HSPG2: variants seen among roughly 807,000 people sequenced by gnomAD.
HSPG2 encodes basement membrane-specific heparan sulfate proteoglycan core protein.
In HSPG2, 278 loss-of-function variants were observed where a neutral mutation model predicts 526.6. The observed-to-expected ratio is 0.53, with a 90% CI of 0.48 to 0.58. The LOEUF (loss-of-function observed/expected upper bound fraction) is 0.58, where lower values mean the gene tolerates loss of function less well. HSPG2 is among the 20% of genes least tolerant of loss of function. The pLI, the probability that HSPG2 is intolerant of heterozygous loss-of-function variation, is 0.00. For missense variants in HSPG2, 5,354 were observed against 6,099.5 expected (o/e 0.88, Z 4.07); for synonymous variants, 2,465 against 2,555.4 (o/e 0.96, Z 1.07).
rs757980659 is a variant in HSPG2, at chr1:21,862,096, G to A, written c.4760C>T (p.Ala1587Val). ...GACSQCQHNA[A>V]GEFCELCAPG... ...GGCACAAAGCTCGCAGAACTCCCCTGCGGCGTTGTGCTGGCATTGCTGCAG... is the reference window on the plus strand; with the variant it reads ...GGCACAAAGCTCGCAGAACTCCCCTACGGCGTTGTGCTGGCATTGCTGCAG... The change falls in exon 38 of 97, where the codon GCA (alanine) becomes GTA (valine). Residue 1587 changes from alanine to valine, a missense_variant. Transcript: ENST00000374695. The A allele has an allele frequency of 6.2e-7, 1 of 1,613,288 alleles. No individual in the cohort carries two copies. The highest frequency in any genetic ancestry group is 8.5e-7 in the Non-Finnish European group (1 of 1,180,040).
rs531640750 is a variant in HSPG2, at chr1:21,855,503, C to A, written c.5854+20G>T. ...GGGCTGAGCACACTCCCGGCCCCCA[C>A]CCTGAGCCCGGCCTCTCACCATGCA... On this transcript the variant is annotated intron_variant, in intron 46 of 96. Transcript: ENST00000374695. 1.2e-6 allele frequency: 2 copies of A among 1,611,318 alleles called. No homozygotes were observed. Among genetic ancestry groups the A allele is most frequent in the East Asian group, 2.2e-5 (1 of 44,858 alleles).
Position 21,824,452 on chromosome 1 carries a change from T to A in HSPG2, c.12745-76A>T, listed in dbSNP as rs1002334603. ...CTGCCGAGGCCAGGGGGCTCTGCTT[T>A]CCCCTCCCCCCACCACTCCGGCCAC... On this transcript the variant is annotated intron_variant, in intron 93 of 96. Coordinates refer to ENST00000374695, the MANE Select transcript of HSPG2 (RefSeq NM_005529.7). The surrounding 1 kb of genome is among the most constrained non-coding windows in gnomAD (Gnocchi z 5.9). The A allele has an allele frequency of 3.2e-5, 52 of 1,600,596 alleles. No individual in the cohort carries two copies. In the African/African-American group the frequency reaches 6.6e-4, roughly 20 times the overall value.
intron 91 of HSPG2, among the ~76,000 whole-genome samples, chr1:21,826,644 G>A (rs967525545): frequency 2.0e-5 from 3 of 151,972 alleles, no homozygotes; most frequent in African/African-American, 4.8e-5. Flanking sequence ...GGAGTAGCTG[G>A]GATTATAGGC....
At chr1:21,833,773 C>T (rs2098014845) in intron 78 of HSPG2, 43 bp downstream of exon 78, 2 of 1,528,284 alleles carry the variant, frequency 1.3e-6, no homozygotes, top group Middle Eastern at 1.7e-4. Context: ...GATCTGTTCC[C>T]AGCCCCCAAG....
At chr1:21,831,373 A>T (rs1298159822) in intron 83 of HSPG2, 49 bp from the exon 84 acceptor site, 2 of 1,599,826 alleles carry the variant, frequency 1.3e-6, no homozygotes, top group Admixed American at 3.3e-5. Flanking sequence ...GTCCCAGCCC[A>T]TACCCTGAGG....
intron 1 of HSPG2, among the ~76,000 whole-genome samples, chr1:21,919,206 A>G (rs1316234984): frequency 6.6e-6 from 1 of 152,214 alleles, no homozygotes; most frequent in African/African-American, 2.4e-5. Context: ...CTGGCGGATC[A>G]CTTGAGGTCG....
rs1053535638 is a variant in HSPG2 at position 21,833,600 on chromosome 1, C to G, written c.10845G>C (p.Leu3615=). The G allele has an allele frequency of 6.2e-7, 1 of 1,614,076 alleles. No homozygotes were observed. Among genetic ancestry groups the G allele is most frequent in the East Asian group, 2.2e-5 (1 of 44,874 alleles). Residue 3615 remains leucine, a synonymous_variant, in exon 79 of 97, where the codon CTG becomes CTC. Coordinates refer to ENST00000374695, the MANE Select transcript of HSPG2 (RefSeq NM_005529.7). The part of the protein sequence containing the change: ...DISWSKLDGS[L]PPDSRLENNM... ...TGTTCTCCAGGCGGCTGTCAGGTGG[C>G]AGGCTGCCATCCAGCTGCAAATGCA...
At chr1:21,930,398 T>C (rs1392508612) in intron 1 of HSPG2, among the ~76,000 whole-genome samples, 2 of 152,238 alleles carry the variant, frequency 1.3e-5, no homozygotes, top group Non-Finnish European at 2.9e-5. Context: ...ATTTCATTTA[T>C]TGTCTGTCTT....
At chr1:21,881,555 AC>A in intron 13 of HSPG2, 53 bp from the exon 14 acceptor site, 2 of 1,500,946 alleles carry the variant, frequency 1.3e-6, no homozygotes, top group Non-Finnish European at 9.2e-7. Flanking sequence ...TGCCTGATAC[AC>A]CCATCTTGAG....
Position 21,839,144 on chromosome 1 carries a change from G to A in HSPG2, c.9890-59C>T, listed in dbSNP as rs2098038732. 3.9e-6 allele frequency: 6 copies of A among 1,544,100 alleles called. No homozygotes were observed. Among genetic ancestry groups the A allele is most frequent in the South Asian group, 1.3e-5 (1 of 79,958 alleles). On this transcript the variant is annotated intron_variant, in intron 73 of 96. Coordinates refer to ENST00000374695, the MANE Select transcript of HSPG2 (RefSeq NM_005529.7). This position sits in a 1 kb window ranked among gnomAD's most constrained non-coding sequence, Gnocchi z 4.5. ...AGGGCAAAGGTCAGAATGGCAGCAGGTCGTTGGATCCAGTGTCCAGGGAAG... is the reference window on the plus strand; with the variant it reads ...AGGGCAAAGGTCAGAATGGCAGCAGATCGTTGGATCCAGTGTCCAGGGAAG...
At chr1:21,878,150 C>G (rs781722915) in intron 21 of HSPG2, 36 bp downstream of exon 21, 36 of 1,597,612 alleles carry the variant, frequency 2.3e-5, no homozygotes, top group Non-Finnish European at 3.1e-5. Flanking sequence ...GTGCTGGGCC[C>G]AAGGCCCCTG....
chr1:21,896,028 T>C (rs1642719404), intron 2 of HSPG2, 62 bp from the exon 3 acceptor site: 6 of 1,590,362 alleles, frequency 3.8e-6, no homozygotes, highest in East Asian at 4.5e-5. Flanking sequence ...CTACTGGGTG[T>C]CAGGCACTGT....
intron 1 of HSPG2, among the ~76,000 whole-genome samples, chr1:21,899,858 A>G (rs1642995494): frequency 1.3e-5 from 2 of 152,248 alleles, no homozygotes; most frequent in African/African-American, 4.8e-5. Context: ...GAAATGAGGC[A>G]GGGCTGGACC....
rs184876573 is a variant in HSPG2, at chr1:21,881,875, G to A, written c.1655-373C>T. On this transcript the variant is annotated intron_variant, in intron 13 of 96. Coordinates refer to ENST00000374695, the MANE Select transcript of HSPG2 (RefSeq NM_005529.7). ...GCAGAATCACTTGAACCCGGGAGGC[G>A]GAGGCTGCAGCGAGCTGAGATCACA... is the stretch of plus-strand genomic sequence containing the variant. Among the ~76,000 whole-genome samples the A allele has an allele frequency of 6.7e-3, 1,004 of 148,804 alleles. 10 individuals carry two copies. Among genetic ancestry groups the A allele is most frequent in the African/African-American group, 0.023 (938 of 40,422 alleles).
In HSPG2 at chr1:21,822,496, G is replaced by A. The variant is rs1452239210; in HGVS notation, c.*820C>T. Reference sequence around the variant, plus strand: ...TCCTGAGCACCAGCGGCATCCGTCCGTCCGTTGTCTGTTGGAGGAGTCCCT... The same window carrying A: ...TCCTGAGCACCAGCGGCATCCGTCCATCCGTTGTCTGTTGGAGGAGTCCCT... On this transcript the variant is annotated 3_prime_UTR_variant, in exon 97 of 97. Transcript: ENST00000374695. The A allele has an allele frequency of 1.9e-5, 8 of 432,178 alleles. No individual in the cohort carries two copies. The highest frequency in any genetic ancestry group is 9.7e-5 in the South Asian group (4 of 41,064). The allele number at this position is 432,178 out of a possible 1,614,324, so 26.8% of individuals were successfully genotyped here. A position where few individuals can be genotyped will look rare whatever the true frequency, so the allele number is the denominator to read the frequency against.
intron 40 of HSPG2, 61 bp downstream of exon 40, chr1:21,860,116 C>A: frequency 2.5e-6 from 4 of 1,608,486 alleles, no homozygotes; most frequent in African/African-American, 1.3e-5. Context: ...CAGTATCCCC[C>A]AAATTCCCAG....
rs562175798 is a variant in HSPG2, at chr1:21,865,929, C to T, written c.4222-120G>A. On this transcript the variant is annotated intron_variant, in intron 33 of 96. Coordinates refer to ENST00000374695, the MANE Select transcript of HSPG2 (RefSeq NM_005529.7). The surrounding 1 kb of genome is among the most constrained non-coding windows in gnomAD (Gnocchi z 5.4). ...CACCTGTGCCACACTCCCCCACCCC[C>T]CTCCCTGCCCAAACCAAGAGGCCAG... The T allele has an allele frequency of 8.1e-6, 6 of 738,352 alleles. No homozygotes were observed. In the East Asian group the frequency reaches 1.6e-4, roughly 20 times the overall value. The allele number at this position is 738,352 out of a possible 1,614,324, so 45.7% of individuals were successfully genotyped here.
intron 52 of HSPG2, 98 bp from the exon 53 acceptor site, chr1:21,852,331 GC>G: frequency 6.9e-7 from 1 of 1,457,766 alleles, no homozygotes; most frequent in Non-Finnish European, 9.5e-7. Context: ...GGGTTTCAAG[GC>G]CAGATCCAGC....
intron 25 of HSPG2, 46 bp from the exon 26 acceptor site, chr1:21,875,048 C>T (rs755650742): frequency 1.4e-6 from 2 of 1,389,384 alleles, no homozygotes; most frequent in Admixed American, 1.9e-5. Flanking sequence ...TGGCTCTGTG[C>T]CAGGCACGCC....
Sources: gnomAD v4.1 joint callset for allele counts (sites outside exome capture counted in the v4.1 genomes callset) on GRCh38, gnomAD v4.1.1 for gene constraint, Gnocchi (gnomAD v3.1) non-coding constraint, MANE v1.5 for transcripts, NCBI Gene and HGNC (gene_info 2026-07-23, HGNC 2026-07-21) for gene names.